The following RIC1 variants were observed in gnomAD, a reference collection of about 807,000 sequenced individuals.
RIC1 encodes guanine nucleotide exchange factor subunit RIC1.
In RIC1, 88 loss-of-function variants were observed where a neutral mutation model predicts 169.0. That is an observed-to-expected ratio of 0.52 (90% CI 0.44 to 0.62). The LOEUF (loss-of-function observed/expected upper bound fraction) is 0.62, where lower values mean the gene tolerates loss of function less well. RIC1 is among the 20% of genes least tolerant of loss of function. The pLI, the probability that RIC1 is intolerant of heterozygous loss-of-function variation, is 0.00. For missense variants in RIC1, 1,877 were observed against 1,725.5 expected, an observed-to-expected ratio of 1.09 and a Z score of -1.56; for synonymous variants, 790 against 601.5, an observed-to-expected ratio of 1.31 and a Z score of -4.59.
chr9:5,688,924 A>G (rs1821421412), intron 2 of RIC1, among the ~76,000 whole-genome samples: 1 of 152,198 alleles, frequency 6.6e-6, no homozygotes, highest in Admixed American at 6.5e-5. Context: ...GGAAACAGCT[A>G]AATATAATAT....
At chr9:5,648,464 T>A (rs1196296646) in intron 1 of RIC1, among the ~76,000 whole-genome samples, 1 of 152,226 alleles carries the variant, frequency 6.6e-6, no homozygotes, top group African/African-American at 2.4e-5. Context: ...TTGCTAATGT[T>A]AACAGTGTGG....
chr9:5,680,705 C>T (rs963412226), intron 2 of RIC1, among the ~76,000 whole-genome samples: 3 of 149,964 alleles, frequency 2.0e-5, no homozygotes, highest in African/African-American at 7.4e-5. Context: ...TCCCCTTTGT[C>T]ATTTTTTATT....
In RIC1 at chr9:5,726,146, G is replaced by C. The variant is rs559619404; in HGVS notation, c.720+5396G>C. Among the ~76,000 whole-genome samples the C allele has an allele frequency of 3.9e-5, 6 of 152,066 alleles. No homozygotes were observed. In the South Asian group the frequency reaches 1.2e-3, roughly 32 times the overall value. ...TCTCTTTGATCTGTCTAATGTTTAC[G>C]GTGGGGTGTTAAAGTCTCCCATTAT... On this transcript the variant is annotated intron_variant, in intron 6 of 25. Transcript: ENST00000414202.
chr9:5,630,854 A>C (rs1817683474), intron 1 of RIC1, among the ~76,000 whole-genome samples: 1 of 152,248 alleles, frequency 6.6e-6, no homozygotes, highest in South Asian at 2.1e-4. Flanking sequence ...CCAGTTGAAT[A>C]ATTTTTAATT....
At chr9:5,722,190 T>C (rs1203976831) in intron 6 of RIC1, among the ~76,000 whole-genome samples, 2 of 151,478 alleles carry the variant, frequency 1.3e-5, no homozygotes, top group African/African-American at 4.8e-5. Context: ...GCCCAGCCCA[T>C]TTCATCTTCT....
intron 3 of RIC1, among the ~76,000 whole-genome samples, chr9:5,691,649 T>A (rs1403630885): frequency 2.6e-5 from 4 of 151,954 alleles, no homozygotes; most frequent in Non-Finnish European, 5.9e-5. Context: ...TAAGTGATAA[T>A]TTTGTGATTC....
rs185865362 is a variant in RIC1, at chr9:5,717,616, G to A, written c.441-2566G>A. 3.3e-5 allele frequency among the ~76,000 whole-genome samples: 5 copies of A among 152,234 alleles called. No individual in the cohort carries two copies. In the East Asian group the frequency reaches 9.7e-4, roughly 29 times the overall value. Reference sequence around the variant, plus strand: ...TCCCAGCACACTGGGAGGCCGAGGCGGGTGGATCACCTGAGGTCAGGAGTT... The same window carrying A: ...TCCCAGCACACTGGGAGGCCGAGGCAGGTGGATCACCTGAGGTCAGGAGTT... On this transcript the variant is annotated intron_variant, in intron 4 of 25. Transcript: ENST00000414202.
Position 5,743,562 on chromosome 9 carries a change from C to T in RIC1, c.1047-127C>T, listed in dbSNP as rs1825202276. ...TGTATTAACCCACAGTTTTGTATTTCATGCATTATTATGTATTTCTATTTT... is the reference window on the plus strand; with the variant it reads ...TGTATTAACCCACAGTTTTGTATTTTATGCATTATTATGTATTTCTATTTT... On this transcript the variant is annotated intron_variant, in intron 9 of 25. Transcript: ENST00000414202. 1.3e-5 allele frequency: 9 copies of T among 718,024 alleles called. No individual in the cohort carries two copies. The South Asian group carries it at 1.5e-4, about 12-fold the overall frequency. The allele number at this position is 718,024 out of a possible 1,614,324, so 44.5% of individuals were successfully genotyped here. A position where few individuals can be genotyped will look rare whatever the true frequency, so the allele number is the denominator to read the frequency against.
At chr9:5,719,712 A>G (rs1230776590) in intron 4 of RIC1, among the ~76,000 whole-genome samples, 1 of 152,238 alleles carries the variant, frequency 6.6e-6, no homozygotes, top group Non-Finnish European at 1.5e-5. Context: ...GTCACCACAT[A>G]CAGCTCATAG....
At chr9:5,703,739 A>G (rs923585746) in intron 3 of RIC1, among the ~76,000 whole-genome samples, 2 of 152,214 alleles carry the variant, frequency 1.3e-5, no homozygotes, top group African/African-American at 4.8e-5. Flanking sequence ...ATATTTTGTT[A>G]TATGGATTTA....
At chr9:5,690,075 T>G (rs1441598468) in intron 3 of RIC1, 37 bp downstream of exon 3, 2 of 1,335,458 alleles carry the variant, frequency 1.5e-6, no homozygotes, top group South Asian at 2.7e-5. Context: ...AATATGTGAT[T>G]TGCATACTTT....
intron 1 of RIC1, among the ~76,000 whole-genome samples, chr9:5,654,009 T>TA (rs1449402429): frequency 6.6e-6 from 1 of 152,204 alleles, no homozygotes; most frequent in Non-Finnish European, 1.5e-5. Flanking sequence ...TTACATTTTT[T>TA]ATGTTTTTGA....
Position 5,732,413 on chromosome 9 carries a change from ATGT to A in RIC1, c.752_754del (p.Val251del). 1 of 1,610,720 alleles carries A rather than the reference ATGT, an allele frequency of 6.2e-7. No homozygotes were observed. Among genetic ancestry groups the A allele is most frequent in the Non-Finnish European group, 8.5e-7 (1 of 1,178,434 alleles). On this transcript the variant is annotated inframe_deletion, in exon 7 of 26. Coordinates refer to ENST00000414202, the MANE Select transcript of RIC1 (RefSeq NM_020829.4). ...CAGCTTCATGGAGTTTGGCCACAAGATGTTGTTGACGGAACGTGTGTAGCAGTA... is the reference window on the plus strand; with the variant it reads ...CAGCTTCATGGAGTTTGGCCACAAGATGTTGACGGAACGTGTGTAGCAGTA...
At chr9:5,702,369 A>T (rs1331572111) in intron 3 of RIC1, among the ~76,000 whole-genome samples, 1 of 152,166 alleles carries the variant, frequency 6.6e-6, no homozygotes, top group Non-Finnish European at 1.5e-5. Context: ...ACAGTTCCGC[A>T]GGCTATACAG....
At chr9:5,694,940 T>C (rs1821802416) in intron 3 of RIC1, among the ~76,000 whole-genome samples, 1 of 152,164 alleles carries the variant, frequency 6.6e-6, no homozygotes, top group Non-Finnish European at 1.5e-5. Context: ...TTGTAGATAC[T>C]AGAGATCTAA....
At chr9:5,655,130 C>T (rs1819012428) in intron 1 of RIC1, among the ~76,000 whole-genome samples, 1 of 152,146 alleles carries the variant, frequency 6.6e-6, no homozygotes, top group Admixed American at 6.5e-5. Context: ...TGAAAAGCTG[C>T]TGTGAGTGGA....
chr9:5,748,765 C>T (rs1825540430), intron 12 of RIC1: 1 of 152,574 alleles, frequency 6.6e-6, no homozygotes, highest in African/African-American at 2.4e-5. Context: ...ATTGAATTTC[C>T]TTCCAGCTCA....
chr9:5,745,775 G>A (rs1825339764), intron 10 of RIC1, among the ~76,000 whole-genome samples, 156 bp from the exon 11 acceptor site: 1 of 152,164 alleles, frequency 6.6e-6, no homozygotes, highest in Admixed American at 6.5e-5. Context: ...AACTGAAGGT[G>A]TGATTCTTGT....
Position 5,753,646 on chromosome 9 carries a change from G to A in RIC1, c.1602G>A (p.Gln534=). 1 of 1,508,920 alleles carries A rather than the reference G, an allele frequency of 6.6e-7. No homozygotes were observed. Among genetic ancestry groups the A allele is most frequent in the Non-Finnish European group, 9.1e-7 (1 of 1,096,754 alleles). The allele number at this position is 1,508,920 out of a possible 1,614,324, so 93.5% of individuals were successfully genotyped here. A position where few individuals can be genotyped will look rare whatever the true frequency, so the allele number is the denominator to read the frequency against. The change falls in exon 14 of 26, where the codon CAG becomes CAA. Residue 534 remains glutamine, a splice_region_variant and synonymous_variant. Coordinates refer to ENST00000414202, the MANE Select transcript of RIC1 (RefSeq NM_020829.4). The part of the protein sequence containing the change: ...KKWKLFGNIT[Q]EQNMIVTGGL... ...GGAAACTTTTTGGAAACATTACCCA[G>A]GTTAGTCTTTTTTGAGATTAAAAAC... is the stretch of plus-strand genomic sequence containing the variant.
Sources: allele counts gnomAD v4.1 joint callset (sites outside exome capture counted in the v4.1 genomes callset), GRCh38; gene constraint gnomAD v4.1.1; transcripts MANE v1.5; gene names NCBI Gene and HGNC (gene_info 2026-07-23, HGNC 2026-07-21).